PDSS2: variants seen among roughly 807,000 people sequenced by gnomAD.
PDSS2 encodes the protein decaprenyl diphosphate synthase subunit 2.
In PDSS2, 31 loss-of-function variants were observed where a neutral mutation model predicts 44.5. That is an observed-to-expected ratio of 0.70 (90% CI 0.52 to 0.94). The LOEUF is 0.94. Ranked by LOEUF, PDSS2 falls within the 40% of genes least tolerant of loss-of-function variation. The pLI is 0.00. For synonymous variants in PDSS2, 157 were observed against 180.3 expected (o/e 0.87, Z 1.03); for missense variants, 452 against 482.2 (o/e 0.94, Z 0.59).
chr6:107,211,394 A>G (rs964499099), intron 5 of PDSS2, among the ~76,000 whole-genome samples: 2 of 152,150 alleles, frequency 1.3e-5, no homozygotes, highest in Non-Finnish European at 2.9e-5. Context: ...TTTATTCACT[A>G]TATTTCTGAA....
chr6:107,422,994 A>G (rs775780355), intron 1 of PDSS2, among the ~76,000 whole-genome samples: 29 of 152,146 alleles, frequency 1.9e-4, no homozygotes, highest in Non-Finnish European at 5.9e-5. Context: ...TGCCTGATAT[A>G]GTAACATCTG....
intron 1 of PDSS2, among the ~76,000 whole-genome samples, chr6:107,444,284 G>C (rs1387808605): frequency 6.6e-6 from 1 of 152,076 alleles, no homozygotes. Flanking sequence ...TTTCACCTTA[G>C]CCTCCCAAAG....
At chr6:107,197,019 T>G (rs900231970) in intron 6 of PDSS2, among the ~76,000 whole-genome samples, 1 of 152,208 alleles carries the variant, frequency 6.6e-6, no homozygotes, top group African/African-American at 2.4e-5. Context: ...TCTTAACTTA[T>G]GCATCTTCTC....
chr6:107,306,287 G>A (rs185023114), intron 2 of PDSS2, among the ~76,000 whole-genome samples: 2 of 152,226 alleles, frequency 1.3e-5, no homozygotes, highest in East Asian at 1.9e-4. Flanking sequence ...GGTCTTTCCC[G>A]TGCTGTTCTC....
intron 1 of PDSS2, among the ~76,000 whole-genome samples, chr6:107,452,278 C>T (rs1781892452): frequency 6.6e-6 from 1 of 151,280 alleles, no homozygotes; most frequent in Admixed American, 6.6e-5. Flanking sequence ...CACTCTGTTG[C>T]CCAGGCTGGA....
rs184448071 is a variant in PDSS2, at chr6:107,368,972, A to T, written c.297-34640T>A. Among the ~76,000 whole-genome samples, 152 of 152,368 alleles carry T rather than the reference A, an allele frequency of 1.0e-3. 2 individuals are homozygous for T. Among genetic ancestry groups the T allele is most frequent in the Non-Finnish European group, 9.3e-4 (63 of 68,036 alleles). Reference sequence around the variant, plus strand: ...GTAGTATTGGTATAATGATAGGCATAGAGATCAATGGAACAGGGTTTTCAG... The same window carrying T: ...GTAGTATTGGTATAATGATAGGCATTGAGATCAATGGAACAGGGTTTTCAG... On this transcript the variant is annotated intron_variant, in intron 1 of 7. Transcript: ENST00000369037.
chr6:107,373,469 G>C (rs1401185432), intron 1 of PDSS2, among the ~76,000 whole-genome samples: 1 of 152,154 alleles, frequency 6.6e-6, no homozygotes, highest in African/African-American at 2.4e-5. Flanking sequence ...GAAACAACGT[G>C]TTAAATTTAT....
At chr6:107,274,293 C>T (rs1019850213) in intron 2 of PDSS2, 66 bp from the exon 3 acceptor site, 1 of 1,239,302 alleles carries the variant, frequency 8.1e-7, no homozygotes, top group African/African-American at 1.5e-5. Context: ...TGTCTGATTT[C>T]AGTTTTCAAC....
chr6:107,350,911 A>AT (rs1259870512), intron 1 of PDSS2, among the ~76,000 whole-genome samples: 2 of 152,226 alleles, frequency 1.3e-5, no homozygotes, highest in Non-Finnish European at 2.9e-5. Flanking sequence ...ATTTAGTGAA[A>AT]TAATAAAGGC....
chr6:107,354,088 T>C (rs1004001487), intron 1 of PDSS2, among the ~76,000 whole-genome samples: 4 of 152,222 alleles, frequency 2.6e-5, no homozygotes, highest in African/African-American at 9.6e-5. Flanking sequence ...CAAGATGTAC[T>C]AATTTAGACT....
At chr6:107,226,711 C>T (rs1230549099) in intron 4 of PDSS2, among the ~76,000 whole-genome samples, 1 of 149,394 alleles carries the variant, frequency 6.7e-6, no homozygotes, top group Non-Finnish European at 1.5e-5. Context: ...GTTCTGTCGC[C>T]CAGGCTGGAA....
At chr6:107,388,133 CA>C (rs1193508933) in intron 1 of PDSS2, among the ~76,000 whole-genome samples, 1 of 152,084 alleles carries the variant, frequency 6.6e-6, no homozygotes, top group Non-Finnish European at 1.5e-5. Context: ...CCCCGACAGC[CA>C]CAATGCATAA....
At chr6:107,275,557 T>C (rs1775750958) in intron 2 of PDSS2, among the ~76,000 whole-genome samples, 1 of 152,078 alleles carries the variant, frequency 6.6e-6, no homozygotes, top group Non-Finnish European at 1.5e-5. Flanking sequence ...GATAAGCTTT[T>C]CACAGTCACA....
rs796388176 is a variant in PDSS2, at chr6:107,347,967, C to A, written c.297-13635G>T. 1.3e-4 allele frequency among the ~76,000 whole-genome samples: 20 copies of A among 152,188 alleles called. No homozygotes were observed. In the East Asian group the frequency reaches 3.9e-3, roughly 29 times the overall value. On this transcript the variant is annotated intron_variant, in intron 1 of 7. Coordinates refer to ENST00000369037, the MANE Select transcript of PDSS2 (RefSeq NM_020381.4). Reference sequence around the variant, plus strand: ...GACTTCATCTCAGGATGCCATCCCCCACCCCCCACACAGTTTTCCTTCCTG... The same window carrying A: ...GACTTCATCTCAGGATGCCATCCCCAACCCCCCACACAGTTTTCCTTCCTG...
At chr6:107,186,767 T>C (rs146633662) in intron 7 of PDSS2, among the ~76,000 whole-genome samples, 223 of 152,312 alleles carry the variant, frequency 1.5e-3, no homozygotes, top group African/African-American at 5.1e-3. Context: ...GCTTCATCCG[T>C]ATCCCTGCAA....
At chr6:107,440,133 G>A (rs1192966893) in intron 1 of PDSS2, among the ~76,000 whole-genome samples, 1 of 152,156 alleles carries the variant, frequency 6.6e-6, no homozygotes, top group African/African-American at 2.4e-5. Flanking sequence ...TCCTCCAGTT[G>A]AGCCATCTAC....
intron 2 of PDSS2, among the ~76,000 whole-genome samples, chr6:107,329,776 T>A (rs1217607439): frequency 6.6e-6 from 1 of 152,118 alleles, no homozygotes; most frequent in Non-Finnish European, 1.5e-5. Context: ...ATGTACTGAG[T>A]GCCTATTAAT....
chr6:107,374,445 A>T (rs1185480041), intron 1 of PDSS2, among the ~76,000 whole-genome samples: 1 of 152,128 alleles, frequency 6.6e-6, no homozygotes, highest in East Asian at 1.9e-4. Context: ...ATTTAGTTCA[A>T]TTCCTAAGGA....
chr6:107,162,499 A>G (rs1771175544), intron 7 of PDSS2, among the ~76,000 whole-genome samples: 2 of 137,976 alleles, frequency 1.4e-5, no homozygotes, highest in Middle Eastern at 6.9e-3. Context: ...CATCTCAAAA[A>G]AAAAAAAAAA....
Sources: gnomAD v4.1 joint callset for allele counts (sites outside exome capture counted in the v4.1 genomes callset) on GRCh38, gnomAD v4.1.1 for gene constraint, MANE v1.5 for transcripts, NCBI Gene and HGNC (gene_info 2026-07-23, HGNC 2026-07-21) for gene names.